The following PRSS37 variants were observed in gnomAD, a reference collection of about 807,000 sequenced individuals.
The protein encoded by PRSS37 is serine protease 37, also known as probable inactive serine protease 37.
A neutral mutation model predicts 28.0 loss-of-function variants in PRSS37; 25 were observed. The observed-to-expected ratio is 0.89, with a 90% confidence interval of 0.65 to 1.25. The LOEUF (loss-of-function observed/expected upper bound fraction) is 1.25. Among genes scored for constraint, PRSS37 ranks in the 50% most tolerant of loss-of-function variants. PRSS37 has a pLI of 0.00. For missense variants in PRSS37, 282 were observed against 292.2 expected (o/e 0.97, Z 0.25); for synonymous variants, 109 against 107.8 (o/e 1.01, Z -0.07).
Position 141,837,918 on chromosome 7 carries a change from AT to A in PRSS37, c.371del (p.Asn124MetfsTer34), listed in dbSNP as rs1167475955. 6.2e-7 allele frequency: 1 copy of A among 1,614,018 alleles called. No homozygotes were observed. Among genetic ancestry groups the A allele is most frequent in the Non-Finnish European group, 8.5e-7 (1 of 1,180,006 alleles). ...KVQPLTLATT[N>X]VRPGTVCLLS... is the part of the protein sequence containing the mutation. The stretch of plus-strand genomic sequence containing the variant: ...GTAGACAGACAGTGCCTGGCCTGAC[AT>A]TGGTGGTGGCGAGGGTAAGGGGCTG... On this transcript the variant is annotated frameshift_variant, in exon 3 of 5. Coordinates refer to ENST00000350549, the MANE Select transcript of PRSS37 (RefSeq NM_001008270.3). LOFTEE classifies it high-confidence loss of function.
In PRSS37 at chr7:141,837,953, G is replaced by C. The variant is rs1176045152; in HGVS notation, c.337C>G (p.Pro113Ala). Residue 113 changes from proline (P) to alanine (A), a missense_variant, in exon 3 of 5, where the codon CCC becomes GCC. By Grantham distance (27) the Pro-to-Ala change is conservative. Coordinates refer to ENST00000350549, the MANE Select transcript of PRSS37 (RefSeq NM_001008270.3). Reference sequence around the variant, plus strand: ...GCGAGGGTAAGGGGCTGGACTTTGGGATTGAGCATGGCAGGCTTAGCCAGC... The same window carrying C: ...GCGAGGGTAAGGGGCTGGACTTTGGCATTGAGCATGGCAGGCTTAGCCAGC... Reference protein sequence around the residue: ...IKLAKPAMLNPKVQPLTLATT... With the variant: ...IKLAKPAMLNAKVQPLTLATT... 1 of 1,614,036 alleles carries C rather than the reference G, an allele frequency of 6.2e-7. No homozygotes were observed. The highest frequency in any genetic ancestry group is 2.2e-5 in the East Asian group (1 of 44,896).
rs148995283 is a variant in PRSS37 at position 141,838,371 on chromosome 7, A to G, written c.177-258T>C. The G allele has an allele frequency of 1.2e-4, 160 of 1,338,794 alleles. No homozygotes were observed. In the African/African-American group the frequency reaches 2.0e-3, roughly 17 times the overall value. 82.9% of individuals were successfully genotyped at this position (1,338,794 alleles called of 1,614,324 possible). A position where few individuals can be genotyped will look rare whatever the true frequency, so the allele number is the denominator to read the frequency against. ...CTACATTTTAATGTTGTGTTCTTTA[A>G]TGTAGTGGAGAGGAAGAGGATGCAT... On this transcript the variant is annotated intron_variant, in intron 2 of 4. Coordinates refer to ENST00000350549, the MANE Select transcript of PRSS37 (RefSeq NM_001008270.3).
chr7:141,840,082 A>T (rs1321012527), intron 1 of PRSS37, among the ~76,000 whole-genome samples: 1 of 152,236 alleles, frequency 6.6e-6, no homozygotes, highest in South Asian at 2.1e-4. Context: ...TTTGTCTAAA[A>T]ACAAATAAAT....
Position 141,837,991 on chromosome 7 carries a change from A to G in PRSS37, c.299T>C (p.Leu100Pro). 1.2e-6 allele frequency: 2 copies of G among 1,614,102 alleles called. No homozygotes were observed. The highest frequency in any genetic ancestry group is 1.7e-6 in the Non-Finnish European group (2 of 1,180,012). Residue 100 changes from leucine to proline, a missense_variant, in exon 3 of 5, where the codon CTC becomes CCC. Transcript: ENST00000350549. ...AGGCTTAGCCAGCTTGATGAGCATG[A>G]GGTCATCCTGTGGGGCGCTATGACT... is the stretch of plus-strand genomic sequence containing the variant. ...NYSHSAPQDD[L>P]MLIKLAKPAM...
At chr7:141,838,137 AATCATC>A in intron 2 of PRSS37, 24 bp from the exon 3 acceptor site, 1 of 1,546,618 alleles carries the variant, frequency 6.5e-7, no homozygotes, top group Non-Finnish European at 8.8e-7. Context: ...GGTTGGAAGT[AATCATC>A]ATCATCATCA....
In PRSS37 at chr7:141,841,249, G is replaced by T; in HGVS notation, c.-200C>A. 1 of 1,232,200 alleles carries T rather than the reference G, an allele frequency of 8.1e-7. No individual in the cohort carries two copies. 76.3% of individuals were successfully genotyped at this position (1,232,200 alleles called of 1,614,324 possible). A position where few individuals can be genotyped will look rare whatever the true frequency, so the allele number is the denominator to read the frequency against. ...TCAGAGAGACAGATGAAAGCCCTCTGTTCCAGGGAAGGTGGAGGACTGTGC... is the reference window on the plus strand; with the variant it reads ...TCAGAGAGACAGATGAAAGCCCTCTTTTCCAGGGAAGGTGGAGGACTGTGC... On this transcript the variant is annotated 5_prime_UTR_variant, in exon 1 of 5. Transcript: ENST00000350549.
At chr7:141,840,800 C>A (rs1435321604) in intron 1 of PRSS37, among the ~76,000 whole-genome samples, 3 of 152,184 alleles carry the variant, frequency 2.0e-5, no homozygotes, top group East Asian at 3.9e-4. Flanking sequence ...CTCCAAGGCA[C>A]ATGTGTGCCT....
chr7:141,836,310 G>T lies in PRSS37; in HGVS notation c.*85C>A, dbSNP rs745587477. On this transcript the variant is annotated 3_prime_UTR_variant, in exon 5 of 5. Coordinates refer to ENST00000350549, the MANE Select transcript of PRSS37 (RefSeq NM_001008270.3). ...TGCTACATTCCCAAATTTTCATTTG[G>T]AGATTTTATTTTGAATAGAGGGAAA... 4 of 1,449,408 alleles carry T rather than the reference G, an allele frequency of 2.8e-6. No homozygotes were observed. The Admixed American group carries it at 7.9e-5, about 28-fold the overall frequency. The allele number at this position is 1,449,408 out of a possible 1,614,324, so 89.8% of individuals were successfully genotyped here.
At chr7:141,838,211 T>A in intron 2 of PRSS37, 98 bp from the exon 3 acceptor site, 1 of 1,553,724 alleles carries the variant, frequency 6.4e-7, no homozygotes, top group Non-Finnish European at 8.7e-7. Flanking sequence ...CAAGTGCTTT[T>A]TCTGGATTAT....
chr7:141,840,905 G>T, intron 1 of PRSS37, 111 bp downstream of exon 1: 1 of 1,078,624 alleles, frequency 9.3e-7, no homozygotes, highest in Non-Finnish European at 1.4e-6. Flanking sequence ...TAATTCTGCT[G>T]ATGACACTAT....
Position 141,839,359 on chromosome 7 carries a change from G to A in PRSS37, c.155C>T (p.Ala52Val). Residue 52 changes from alanine to valine, a missense_variant, in exon 2 of 5, where the codon GCC (alanine) becomes GTC (valine). Ala to Val is a moderately conservative substitution (Grantham distance 64). Transcript: ENST00000350549. Reference protein sequence around the residue: ...GVLIKPSWVLAPAHCYLPNLK... With the variant: ...GVLIKPSWVLVPAHCYLPNLK... ...CAACGGTAAATAGCAGTGAGCTGGG[G>A]CCAGCACCCAGCTGGGTTTGATGAG... The A allele has an allele frequency of 1.2e-6, 2 of 1,613,830 alleles. No individual in the cohort carries two copies. The highest frequency in any genetic ancestry group is 3.3e-5 in the Admixed American group (2 of 60,004).
At chr7:141,838,821 C>A in intron 2 of PRSS37, 2 of 358,778 alleles carry the variant, frequency 5.6e-6, no homozygotes, top group South Asian at 2.2e-5. Context: ...CCTTTTTAGG[C>A]CTAGAGGTGG....
intron 2 of PRSS37, chr7:141,838,559 T>A: frequency 1.5e-6 from 1 of 667,656 alleles, no homozygotes; most frequent in South Asian, 4.0e-5. Context: ...AGGGGACATA[T>A]ATGGATTTAA....
At chr7:141,838,526 C>A (rs1451995510) in intron 2 of PRSS37, 14 of 944,962 alleles carry the variant, frequency 1.5e-5, no homozygotes, top group Admixed American at 4.7e-5. Flanking sequence ...CAGTCCTATT[C>A]CATTCTGCTC....
In PRSS37 at chr7:141,836,552, A is replaced by C. The variant is rs1256288220; in HGVS notation, c.568-17T>G. 1 of 429,580 alleles carries C rather than the reference A, an allele frequency of 2.3e-6. No homozygotes were observed. Among genetic ancestry groups the C allele is most frequent in the Non-Finnish European group, 3.3e-6 (1 of 301,012 alleles). The allele number at this position is 429,580 out of a possible 1,614,324, so 26.6% of individuals were successfully genotyped here. A position where few individuals can be genotyped will look rare whatever the true frequency, so the allele number is the denominator to read the frequency against. On this transcript the variant is annotated splice_polypyrimidine_tract_variant and intron_variant, in intron 4 of 4. Coordinates refer to ENST00000350549, the MANE Select transcript of PRSS37 (RefSeq NM_001008270.3). ...GGCCACCTCCTACCGGAGATCATGC[A>C]GAGAGAGAGAGAGAGAGAGAGTAAG...
In PRSS37 at chr7:141,836,363, A is replaced by G; in HGVS notation, c.*32T>C. 6.2e-7 allele frequency: 1 copy of G among 1,608,350 alleles called. No individual in the cohort carries two copies. The highest frequency in any genetic ancestry group is 1.1e-5 in the South Asian group (1 of 90,776). On this transcript the variant is annotated 3_prime_UTR_variant, in exon 5 of 5. Transcript: ENST00000350549. The stretch of plus-strand genomic sequence containing the variant: ...TATCTGCTTGTATAGTCCATGGCAG[A>G]GCCAGTGGAATGCAGAGGGAGAAGT...
intron 1 of PRSS37, among the ~76,000 whole-genome samples, chr7:141,839,796 T>G (rs1801097716): frequency 6.6e-6 from 1 of 152,104 alleles, no homozygotes; most frequent in Non-Finnish European, 1.5e-5. Context: ...CATAAATTGT[T>G]TATAACCTGT....
chr7:141,838,965 A>G, intron 2 of PRSS37: 1 of 464,702 alleles, frequency 2.2e-6, no homozygotes, highest in South Asian at 1.6e-5. Flanking sequence ...GTGCATCATC[A>G]GTTACCTGCT....
At chr7:141,839,985 A>G (rs957257190) in intron 1 of PRSS37, among the ~76,000 whole-genome samples, 2 of 152,214 alleles carry the variant, frequency 1.3e-5, no homozygotes, top group Non-Finnish European at 2.9e-5. Context: ...ATATAATAAA[A>G]ATTAAACTAA....
Sources: gnomAD v4.1 joint callset for allele counts (sites outside exome capture counted in the v4.1 genomes callset) on GRCh38, gnomAD v4.1.1 for gene constraint, MANE v1.5 for transcripts, NCBI Gene and HGNC (gene_info 2026-07-23, HGNC 2026-07-21) for gene names.